The following PKP4 variants were observed in gnomAD, a reference collection of about 807,000 sequenced individuals.
PKP4 encodes the protein plakophilin 4, also known as plakophilin-4.
In PKP4, 90 loss-of-function variants were observed where a neutral mutation model predicts 145.1. That is an observed-to-expected ratio of 0.62 (90% CI 0.52 to 0.74). The LOEUF is 0.74. Among genes scored for constraint, PKP4 ranks in the 30% least tolerant of loss-of-function variants. The pLI is 0.00. For synonymous variants in PKP4, 563 were observed against 577.2 expected (o/e 0.98, Z 0.35); for missense variants, 1,340 against 1,482.7 (o/e 0.90, Z 1.58).
At chr2:158,549,997 G>A (rs1156494290) in intron 2 of PKP4, among the ~76,000 whole-genome samples, 2 of 138,028 alleles carry the variant, frequency 1.4e-5, no homozygotes, top group African/African-American at 2.5e-5. Flanking sequence ...TCGCTAATGG[G>A]AGTAGTATTG....
chr2:158,479,237 T>A (rs1413602666), intron 1 of PKP4, among the ~76,000 whole-genome samples: 2 of 151,986 alleles, frequency 1.3e-5, no homozygotes. Flanking sequence ...TTATTTATTT[T>A]TTGTCTTTTT....
chr2:158,541,234 T>A (rs2044500539), intron 2 of PKP4, among the ~76,000 whole-genome samples: 1 of 152,172 alleles, frequency 6.6e-6, no homozygotes, highest in Non-Finnish European at 1.5e-5. Context: ...GGGCTCCCAA[T>A]TTCTAAATTG....
At chr2:158,511,318 G>A (rs1011006480) in intron 1 of PKP4, among the ~76,000 whole-genome samples, 7 of 152,094 alleles carry the variant, frequency 4.6e-5, no homozygotes, top group Non-Finnish European at 8.8e-5. Flanking sequence ...CCCAGGAGGC[G>A]GAGGTTGCAG....
intron 11 of PKP4, among the ~76,000 whole-genome samples, chr2:158,645,850 T>C (rs1040063064): frequency 1.3e-5 from 2 of 152,214 alleles, no homozygotes; most frequent in African/African-American, 4.8e-5. Context: ...AGTACATGAT[T>C]GTGTGCTCTT....
chr2:158,549,132 TG>T (rs2045356935), intron 2 of PKP4: 1 of 202,400 alleles, frequency 4.9e-6, no homozygotes, highest in East Asian at 1.1e-4. Flanking sequence ...CCGCCATCAC[TG>T]GGGAGGCAGT....
At chr2:158,632,520 C>G (rs1454441668) in intron 8 of PKP4, 2 of 153,396 alleles carry the variant, frequency 1.3e-5, no homozygotes, top group African/African-American at 4.8e-5. Context: ...TACCGCCAGT[C>G]CTCATGTTTA....
intron 7 of PKP4, among the ~76,000 whole-genome samples, chr2:158,631,285 TG>T (rs1176470231): frequency 6.6e-6 from 1 of 152,048 alleles, no homozygotes; most frequent in Non-Finnish European, 1.5e-5. Flanking sequence ...TTTTCACGTG[TG>T]GCATTTCTCT....
At chr2:158,657,283 A>ATC (rs2056073360) in intron 11 of PKP4, among the ~76,000 whole-genome samples, 2 of 152,012 alleles carry the variant, frequency 1.3e-5, no homozygotes, top group South Asian at 4.1e-4. Flanking sequence ...ATTATTGGAA[A>ATC]ACCTGTGCTA....
chr2:158,552,504 T>C (rs889092878), intron 2 of PKP4, among the ~76,000 whole-genome samples: 2 of 152,210 alleles, frequency 1.3e-5, no homozygotes, highest in Admixed American at 1.3e-4. Flanking sequence ...AGCCCCATGA[T>C]AGGGAAAGCC....
chr2:158,535,141 C>A (rs1486613676), intron 2 of PKP4, among the ~76,000 whole-genome samples: 1 of 152,250 alleles, frequency 6.6e-6, no homozygotes, highest in Non-Finnish European at 1.5e-5. Context: ...AGCTCCCCTG[C>A]AATTTTTGTG....
intron 3 of PKP4, among the ~76,000 whole-genome samples, chr2:158,583,852 A>G (rs542892742): frequency 6.6e-6 from 1 of 151,452 alleles, no homozygotes; most frequent in East Asian, 1.9e-4. Context: ...TTTGTTTCTT[A>G]TATTTTTATA....
intron 3 of PKP4, among the ~76,000 whole-genome samples, chr2:158,581,155 T>G (rs1374186010): frequency 1.3e-5 from 2 of 152,192 alleles, no homozygotes; most frequent in Admixed American, 1.3e-4. Context: ...GGAACCAGAA[T>G]CTAAGTGATA....
intron 3 of PKP4, among the ~76,000 whole-genome samples, chr2:158,597,840 T>G (rs932698399): frequency 3.3e-5 from 5 of 152,218 alleles, no homozygotes; most frequent in African/African-American, 1.2e-4. Flanking sequence ...AGGGTCTCAC[T>G]CTGTTGCCCA....
chr2:158,486,956 C>A (rs1002923159), intron 1 of PKP4, among the ~76,000 whole-genome samples: 2 of 152,204 alleles, frequency 1.3e-5, no homozygotes, highest in African/African-American at 4.8e-5. Flanking sequence ...GTCAGAATTA[C>A]AGTAACATTT....
intron 4 of PKP4, among the ~76,000 whole-genome samples, chr2:158,605,020 AG>A (rs1183790930): frequency 6.6e-6 from 1 of 152,194 alleles, no homozygotes; most frequent in Non-Finnish European, 1.5e-5. Context: ...AGAGGGAGTC[AG>A]GTGAGATGCA....
chr2:158,673,743 C>T lies in PKP4; in HGVS notation c.2991C>T (p.Leu997=), dbSNP rs2057766767. Reference sequence around the variant, plus strand: ...ATACATTATGGCAATATCGGGACCTCCGGAGCATTTATAAAAAGGTAACCT... The same window carrying T: ...ATACATTATGGCAATATCGGGACCTTCGGAGCATTTATAAAAAGGTAACCT... ...VLNTLWQYRD[L]RSIYKKDGWN... The change falls in exon 18 of 22, where the codon CTC becomes CTT. Residue 997 remains leucine, a synonymous_variant. Transcript: ENST00000389759. 6.2e-7 allele frequency: 1 copy of T among 1,612,162 alleles called. No individual in the cohort carries two copies.
rs776135536 is a variant in PKP4 at position 158,621,124 on chromosome 2, C to G, written c.412+3C>G. On this transcript the variant is annotated splice_donor_region_variant and intron_variant, in intron 5 of 21. Coordinates refer to ENST00000389759, the MANE Select transcript of PKP4 (RefSeq NM_003628.6). ...GACATCTCTCCATGAAAGTGAGGGTCTGTTGTGTTATCTTTTAAGTACTGG... is the reference window on the plus strand; with the variant it reads ...GACATCTCTCCATGAAAGTGAGGGTGTGTTGTGTTATCTTTTAAGTACTGG... 3.7e-6 allele frequency: 6 copies of G among 1,613,976 alleles called. No individual in the cohort carries two copies. The East Asian group carries it at 1.1e-4, about 30-fold the overall frequency.
At chr2:158,553,880 A>G (rs903135637) in intron 2 of PKP4, among the ~76,000 whole-genome samples, 2 of 152,170 alleles carry the variant, frequency 1.3e-5, no homozygotes, top group African/African-American at 4.8e-5. Context: ...GGATGTTTAG[A>G]TGATGAGATT....
chr2:158,589,951 G>A (rs1283236409), intron 3 of PKP4, among the ~76,000 whole-genome samples: 1 of 152,138 alleles, frequency 6.6e-6, no homozygotes, highest in Admixed American at 6.6e-5. Context: ...CAGTTAATCA[G>A]CTTGTCGTAA....
Sources: allele counts gnomAD v4.1 joint callset (sites outside exome capture counted in the v4.1 genomes callset), GRCh38; gene constraint gnomAD v4.1.1; transcripts MANE v1.5; gene names NCBI Gene and HGNC (gene_info 2026-07-23, HGNC 2026-07-21).